Variants in CPAMD8 observed in about 807,000 individuals in gnomAD.
The protein encoded by CPAMD8 is C3 and PZP like alpha-2-macroglobulin domain containing 8.
In CPAMD8, 146 loss-of-function variants were observed where a neutral mutation model predicts 224.7. The observed-to-expected ratio is 0.65, with a 90% CI of 0.57 to 0.75. CPAMD8 has a LOEUF of 0.75. Ranked by LOEUF, CPAMD8 falls within the 30% of genes least tolerant of loss-of-function variation. CPAMD8 has a pLI of 0.00. For missense variants in CPAMD8, 2,301 were observed against 2,537.5 expected (o/e 0.91, Z 2.00); for synonymous variants, 966 against 1,044.6 (o/e 0.92, Z 1.45).
intron 41 of CPAMD8, chr19:16,894,332 C>G (rs1482941709): frequency 2.3e-6 from 1 of 442,316 alleles, no homozygotes; most frequent in South Asian, 1.6e-5. Flanking sequence ...GGGCTGAGGT[C>G]TGCCCACCCA....
At chr19:17,022,872 C>T (rs2056994606) in intron 1 of CPAMD8, among the ~76,000 whole-genome samples, 1 of 152,060 alleles carries the variant, frequency 6.6e-6, no homozygotes, top group Admixed American at 6.6e-5. Flanking sequence ...AGGTAACCGG[C>T]AGGATCCCAC....
intron 9 of CPAMD8, among the ~76,000 whole-genome samples, chr19:17,000,951 G>C (rs778829908): frequency 1.3e-5 from 2 of 152,192 alleles, no homozygotes; most frequent in African/African-American, 4.8e-5. Flanking sequence ...CCTCTCAGGG[G>C]TGATAGTGAA....
chr19:16,993,728 A>G, intron 11 of CPAMD8, 142 bp from the exon 12 acceptor site: 1 of 767,558 alleles, frequency 1.3e-6, no homozygotes, highest in Non-Finnish European at 2.1e-6. Context: ...TTCACAGGGC[A>G]TCGCAACGAG....
chr19:17,024,464 G>A (rs1187483772), intron 1 of CPAMD8, among the ~76,000 whole-genome samples: 2 of 152,182 alleles, frequency 1.3e-5, no homozygotes. Context: ...CTTTAAAAGG[G>A]GAATACTCTT....
At chr19:16,901,941 G>A (rs1248276800) in intron 35 of CPAMD8, among the ~76,000 whole-genome samples, 1 of 152,112 alleles carries the variant, frequency 6.6e-6, no homozygotes, top group Non-Finnish European at 1.5e-5. Context: ...CAGGGCAGCC[G>A]TTACCGGGGT....
intron 19 of CPAMD8, among the ~76,000 whole-genome samples, chr19:16,956,672 AT>A (rs371939756): frequency 0.014 from 2,059 of 146,002 alleles, 25 homozygotes; most frequent in African/African-American, 0.04. Flanking sequence ...TCTATGAAAT[AT>A]TTTTTTTTTT....
chr19:16,922,296 C>T (rs1168407482), intron 26 of CPAMD8, among the ~76,000 whole-genome samples: 1 of 151,710 alleles, frequency 6.6e-6, no homozygotes, highest in Admixed American at 6.6e-5. Flanking sequence ...CATCTGGGGT[C>T]CCTGAAACTG....
chr19:16,938,738 A>G (rs1173994961), intron 22 of CPAMD8, among the ~76,000 whole-genome samples: 1 of 151,562 alleles, frequency 6.6e-6, no homozygotes, highest in Non-Finnish European at 1.5e-5. Context: ...TCCCTACCCT[A>G]CCCTCCCAGC....
At chr19:16,932,494 A>C (rs1568490954) in intron 23 of CPAMD8, among the ~76,000 whole-genome samples, 5 of 152,198 alleles carry the variant, frequency 3.3e-5, no homozygotes, top group Admixed American at 1.3e-4. Context: ...CATACAAAGA[A>C]GTCAGAAAAA....
At chr19:16,947,766 A>C (rs1183785123) in intron 20 of CPAMD8, among the ~76,000 whole-genome samples, 1 of 152,148 alleles carries the variant, frequency 6.6e-6, no homozygotes, top group Non-Finnish European at 1.5e-5. Flanking sequence ...GACTGCATAC[A>C]CATGTGCATG....
chr19:16,902,782 G>C lies in CPAMD8; in HGVS notation c.4552C>G (p.Gln1518Glu). 1 of 1,590,686 alleles carries C rather than the reference G, an allele frequency of 6.3e-7. No homozygotes were observed. The highest frequency in any genetic ancestry group is 8.6e-7 in the Non-Finnish European group (1 of 1,164,646). ...GCAGGCATGGGGGGCGGGCGTCCCT[G>C]GGCCTCAGGCTCCTGGAGGCTTACG... ...LLVSLQEPEAQGRPPPMPASA... is the reference protein window; with the variant it reads ...LLVSLQEPEAEGRPPPMPASA... Residue 1518 changes from glutamine (Q) to glutamate (E), a missense_variant, in exon 35 of 42, where the codon CAG becomes GAG. This residue lies in a region of CPAMD8 where 1,709 missense variants were observed against 1,753.2 expected (regional missense o/e 0.97). Transcript: ENST00000443236.
chr19:17,019,247 C>T (rs751705876), intron 3 of CPAMD8, among the ~76,000 whole-genome samples: 8 of 151,982 alleles, frequency 5.3e-5, no homozygotes, highest in Admixed American at 6.6e-5. Flanking sequence ...CCTCAGCCCC[C>T]GAGTAGCTGG....
chr19:17,009,889 C>G (rs548429272), intron 5 of CPAMD8, among the ~76,000 whole-genome samples: 3 of 152,096 alleles, frequency 2.0e-5, no homozygotes, highest in Non-Finnish European at 2.9e-5. Context: ...TACAAGGCAC[C>G]GGGGAGGATC....
chr19:16,895,832 C>T, intron 41 of CPAMD8: 1 of 477,632 alleles, frequency 2.1e-6, no homozygotes, highest in Non-Finnish European at 4.1e-6. Flanking sequence ...ATCTGAAATC[C>T]GAAACACTGC....
At chr19:16,931,881 G>C (rs2053555876) in intron 23 of CPAMD8, among the ~76,000 whole-genome samples, 1 of 152,180 alleles carries the variant, frequency 6.6e-6, no homozygotes, top group Admixed American at 6.5e-5. Context: ...TACACATTCA[G>C]AATCAATCTA....
chr19:16,986,638 G>A (rs968709795), intron 13 of CPAMD8, among the ~76,000 whole-genome samples: 10 of 152,082 alleles, frequency 6.6e-5, no homozygotes, highest in African/African-American at 1.9e-4. Flanking sequence ...TGAACCCCAG[G>A]GGCCTCGATA....
chr19:16,993,516 G>C lies in CPAMD8; in HGVS notation c.1166C>G (p.Pro389Arg), dbSNP rs1445742508. ...VTVQIKAELTPKDNIYTSEVV... is the reference protein window; with the variant it reads ...VTVQIKAELTRKDNIYTSEVV... Reference sequence around the variant, plus strand: ...TTCACTGGTGTAGATGTTATCCTTTGGTGTCAGCTCTGCCTTAATCTGGAC... The same window carrying C: ...TTCACTGGTGTAGATGTTATCCTTTCGTGTCAGCTCTGCCTTAATCTGGAC... Residue 389 changes from proline (P) to arginine (R), a missense_variant, in exon 12 of 42, where the codon CCA becomes CGA. Pro to Arg is a moderately radical substitution (Grantham distance 103). Coordinates refer to ENST00000443236, the MANE Select transcript of CPAMD8 (RefSeq NM_015692.5). The C allele has an allele frequency of 1.2e-6, 2 of 1,613,972 alleles. No individual in the cohort carries two copies. The highest frequency in any genetic ancestry group is 3.3e-5 in the Admixed American group (2 of 59,998).
chr19:16,908,770 C>T (rs551424241), intron 29 of CPAMD8, among the ~76,000 whole-genome samples: 2 of 152,184 alleles, frequency 1.3e-5, no homozygotes, highest in African/African-American at 4.8e-5. Context: ...TTGAGATGCC[C>T]TTTGGGAGGC....
At chr19:16,958,062 A>T (rs367850100) in intron 18 of CPAMD8, 147 bp from the exon 19 acceptor site, 1 of 707,286 alleles carries the variant, frequency 1.4e-6, no homozygotes, top group African/African-American at 1.8e-5. Flanking sequence ...ACTGGGATAT[A>T]ACATGTTAAT....
Sources: allele counts gnomAD v4.1 joint callset (sites outside exome capture counted in the v4.1 genomes callset), GRCh38; gene constraint gnomAD v4.1.1; regional missense constraint gnomAD v4.1.1; transcripts MANE v1.5; gene names NCBI Gene and HGNC (gene_info 2026-07-23, HGNC 2026-07-21).